SLC6A15: variants seen among roughly 807,000 people sequenced by gnomAD.
SLC6A15 encodes the protein sodium-dependent neutral amino acid transporter B(0)AT2.
Under a neutral mutation model 68.5 loss-of-function variants are expected in SLC6A15, and 33 were observed. The observed-to-expected ratio is 0.48, with a 90% CI of 0.37 to 0.64. The LOEUF (loss-of-function observed/expected upper bound fraction) is 0.64, where lower values mean the gene tolerates loss of function less well. SLC6A15 is among the 30% of genes least tolerant of loss of function. The probability of loss-of-function intolerance (pLI) is 0.00; values close to 1 mark genes in which losing one functional copy is unlikely to be tolerated. For missense variants in SLC6A15, 747 were observed against 874.3 expected (o/e 0.85, Z 1.84); for synonymous variants, 347 against 301.0 (o/e 1.15, Z -1.58).
intron 5 of SLC6A15, among the ~76,000 whole-genome samples, chr12:84,880,125 G>A (rs1871753034): frequency 6.6e-6 from 1 of 152,030 alleles, no homozygotes; most frequent in South Asian, 2.1e-4. Context: ...CTACAAGATG[G>A]AGAAAAATAA....
At chr12:84,891,262 A>C (rs1243001814) in intron 2 of SLC6A15, among the ~76,000 whole-genome samples, 1 of 152,234 alleles carries the variant, frequency 6.6e-6, no homozygotes, top group Admixed American at 6.5e-5. Flanking sequence ...AGAACTGGAA[A>C]GGAAATGCAT....
chr12:84,889,148 T>A (rs1239436622), intron 2 of SLC6A15, among the ~76,000 whole-genome samples: 4 of 152,200 alleles, frequency 2.6e-5, no homozygotes, highest in Non-Finnish European at 5.9e-5. Context: ...TCTACCCTTT[T>A]GTCCAATCAC....
chr12:84,883,193 T>C (rs1871908806), intron 5 of SLC6A15: 2 of 979,868 alleles, frequency 2.0e-6, no homozygotes, highest in South Asian at 9.5e-5. Context: ...AAATAGTGAA[T>C]AGCAATTACT....
intron 1 of SLC6A15, among the ~76,000 whole-genome samples, chr12:84,902,256 T>A (rs113633063): frequency 0.041 from 6,267 of 152,078 alleles, 402 homozygotes; most frequent in African/African-American, 0.14. Context: ...ACCAAGTCAC[T>A]ATTTATACTT....
At chr12:84,888,704 T>C (rs1408390224) in intron 2 of SLC6A15, among the ~76,000 whole-genome samples, 1 of 152,118 alleles carries the variant, frequency 6.6e-6, no homozygotes, top group Non-Finnish European at 1.5e-5. Flanking sequence ...ATCTCTGAAT[T>C]CACCACTATA....
chr12:84,873,544 TA>T (rs1429030809), intron 6 of SLC6A15, among the ~76,000 whole-genome samples: 1 of 152,232 alleles, frequency 6.6e-6, no homozygotes, highest in Non-Finnish European at 1.5e-5. Flanking sequence ...ATGGAGATTT[TA>T]AGTACATGGG....
In SLC6A15 at chr12:84,892,010, A is replaced by C; in HGVS notation, c.111T>G (p.Ser37Arg). The C allele has an allele frequency of 6.2e-7, 1 of 1,614,058 alleles. No homozygotes were observed. Among genetic ancestry groups the C allele is most frequent in the Non-Finnish European group, 8.5e-7 (1 of 1,180,004 alleles). Residue 37 changes from serine to arginine, a missense_variant, in exon 2 of 12, where the codon AGT (serine) becomes AGG (arginine). Physicochemically the swap from Ser to Arg is moderately radical, Grantham distance 110. Coordinates refer to ENST00000266682, the MANE Select transcript of SLC6A15 (RefSeq NM_182767.6). ...EDAADDAFKTSELIVDGQEEK... is the reference protein window; with the variant it reads ...EDAADDAFKTRELIVDGQEEK... ...CTTCCTGGCCATCAACAATTAGTTCACTTGTCTTAAAAGCATCATCAGCTG... is the reference window on the plus strand; with the variant it reads ...CTTCCTGGCCATCAACAATTAGTTCCCTTGTCTTAAAAGCATCATCAGCTG...
At position 84,886,084 on chromosome 12, in the gene SLC6A15, CA is replaced by C. The variant is rs767907468; in HGVS notation, c.290-17del. On this transcript the variant is annotated splice_polypyrimidine_tract_variant and intron_variant, in intron 2 of 11. Coordinates refer to ENST00000266682, the MANE Select transcript of SLC6A15 (RefSeq NM_182767.6). ...AGATATGCACCTAAAGAAACAACAA[CA>C]AAAAATAGATTATATTTTCAATACA... 4.0e-6 allele frequency: 6 copies of C among 1,518,666 alleles called. No individual in the cohort carries two copies. The highest frequency in any genetic ancestry group is 2.8e-5 in the African/African-American group (2 of 71,426). 94.1% of individuals were successfully genotyped at this position (1,518,666 alleles called of 1,614,324 possible).
intron 1 of SLC6A15, among the ~76,000 whole-genome samples, chr12:84,901,074 G>A (rs1053736168): frequency 1.3e-5 from 2 of 150,126 alleles, no homozygotes; most frequent in African/African-American, 4.9e-5. Context: ...ATATGTGTGT[G>A]TGTGTATATA....
Position 84,873,463 on chromosome 12 carries a change from T to C in SLC6A15, c.868-135A>G, listed in dbSNP as rs896534389. The C allele has an allele frequency of 1.3e-5, 14 of 1,040,954 alleles. No individual in the cohort carries two copies. In the South Asian group the frequency reaches 1.9e-4, roughly 14 times the overall value. 64.5% of individuals were successfully genotyped at this position (1,040,954 alleles called of 1,614,324 possible). ...AGTTTATTTAAATCGGGAAATAATA[T>C]GTTCTTAAGCATAAACATCTATTTT... On this transcript the variant is annotated intron_variant, in intron 6 of 11. Transcript: ENST00000266682.
chr12:84,870,249 G>T (rs1317219479), intron 9 of SLC6A15, among the ~76,000 whole-genome samples: 1 of 148,482 alleles, frequency 6.7e-6, no homozygotes, highest in African/African-American at 2.5e-5. Flanking sequence ...TATTATAAAT[G>T]ATAAAATATA....
At chr12:84,884,600 C>T (rs1490615959) in intron 4 of SLC6A15, among the ~76,000 whole-genome samples, 1 of 152,104 alleles carries the variant, frequency 6.6e-6, no homozygotes, top group Non-Finnish European at 1.5e-5. Context: ...GCCACCGCAC[C>T]CAACCCCTTA....
At chr12:84,884,079 T>C (rs1415651165) in intron 4 of SLC6A15, 39 bp from the exon 5 acceptor site, 1 of 1,535,360 alleles carries the variant, frequency 6.5e-7, no homozygotes, top group Non-Finnish European at 9.0e-7. Flanking sequence ...TTTCAGAATA[T>C]AAAGAGCAAT....
intron 1 of SLC6A15, among the ~76,000 whole-genome samples, chr12:84,896,241 T>A (rs1158969823): frequency 1.3e-5 from 2 of 152,082 alleles, no homozygotes; most frequent in African/African-American, 4.8e-5. Flanking sequence ...AGAGCAGGAG[T>A]CAACAAAATA....
intron 8 of SLC6A15, among the ~76,000 whole-genome samples, chr12:84,872,141 A>G (rs1871312260): frequency 6.7e-6 from 1 of 149,984 alleles, no homozygotes; most frequent in South Asian, 2.2e-4. Context: ...TGGGCGACAG[A>G]GAGAGACTAC....
chr12:84,875,853 T>G (rs1271012718), intron 6 of SLC6A15, among the ~76,000 whole-genome samples: 2 of 151,062 alleles, frequency 1.3e-5, no homozygotes, highest in African/African-American at 4.8e-5. Flanking sequence ...TGGAGTCTAA[T>G]GAGAATTTTC....
At chr12:84,900,543 T>C (rs186210310) in intron 1 of SLC6A15, among the ~76,000 whole-genome samples, 202 of 152,066 alleles carry the variant, frequency 1.3e-3, no homozygotes, top group Middle Eastern at 6.8e-3. Flanking sequence ...GTGTTATTTG[T>C]AGTCAATATT....
At position 84,885,422 on chromosome 12, in the gene SLC6A15, A is replaced by T; in HGVS notation, c.574+13T>A. 6.2e-7 allele frequency: 1 copy of T among 1,609,652 alleles called. No homozygotes were observed. Among genetic ancestry groups the T allele is most frequent in the Non-Finnish European group, 8.5e-7 (1 of 1,178,072 alleles). On this transcript the variant is annotated intron_variant, in intron 4 of 11. Coordinates refer to ENST00000266682, the MANE Select transcript of SLC6A15 (RefSeq NM_182767.6). ...TGCTTAAATACCAAAACACTGTATT[A>T]TACATATCTTACAAGTGTGTGAAGC... is the stretch of plus-strand genomic sequence containing the variant.
intron 1 of SLC6A15, among the ~76,000 whole-genome samples, chr12:84,905,637 T>C (rs11829908): frequency 0.041 from 6,215 of 152,194 alleles, 394 homozygotes; most frequent in African/African-American, 0.14. Flanking sequence ...ATACCAAAAT[T>C]CTCAGATGCT....
Sources: gnomAD v4.1 joint callset for allele counts (sites outside exome capture counted in the v4.1 genomes callset) on GRCh38, gnomAD v4.1.1 for gene constraint, MANE v1.5 for transcripts, NCBI Gene and HGNC (gene_info 2026-07-23, HGNC 2026-07-21) for gene names.